The following GUCY1A2 variants were observed in gnomAD, a reference collection of about 807,000 sequenced individuals.
GUCY1A2 encodes the protein guanylate cyclase soluble subunit alpha-2.
Under a neutral mutation model 63.5 loss-of-function variants are expected in GUCY1A2, and 27 were observed. The ratio of observed to expected loss-of-function variants is 0.43; its 90% CI spans 0.31 to 0.59. The LOEUF is 0.59. Among genes scored for constraint, GUCY1A2 ranks in the 20% least tolerant of loss-of-function variants. The probability of loss-of-function intolerance (pLI) is 0.11; values close to 1 mark genes in which losing one functional copy is unlikely to be tolerated. For synonymous variants in GUCY1A2, 364 were observed against 343.5 expected (o/e 1.06, Z -0.66); for missense variants, 768 against 913.3 (o/e 0.84, Z 2.05).
intron 4 of GUCY1A2, among the ~76,000 whole-genome samples, chr11:106,900,516 G>A (rs529709286): frequency 9.2e-5 from 14 of 152,172 alleles, no homozygotes; most frequent in Non-Finnish European, 1.9e-4. Context: ...ATTTAACGAA[G>A]TAAACATATT....
intron 4 of GUCY1A2, among the ~76,000 whole-genome samples, chr11:106,896,691 T>A (rs1460151382): frequency 1.3e-5 from 2 of 152,328 alleles, no homozygotes; most frequent in Non-Finnish European, 2.9e-5. Flanking sequence ...GGATGCAGCA[T>A]TCTTCTCCTC....
At chr11:106,854,366 G>T (rs949753703) in intron 4 of GUCY1A2, among the ~76,000 whole-genome samples, 1 of 152,152 alleles carries the variant, frequency 6.6e-6, no homozygotes, top group Admixed American at 6.5e-5. Context: ...TGTCTCTGGG[G>T]GCCTGGGAAG....
chr11:106,830,059 T>A (rs1859029473), intron 4 of GUCY1A2, among the ~76,000 whole-genome samples: 1 of 152,190 alleles, frequency 6.6e-6, no homozygotes, highest in East Asian at 1.9e-4. Context: ...TTGTCATGAG[T>A]ATTTCCTCTT....
intron 4 of GUCY1A2, among the ~76,000 whole-genome samples, chr11:106,900,097 A>C (rs951445398): frequency 3.9e-5 from 6 of 152,244 alleles, no homozygotes; most frequent in Middle Eastern, 3.4e-3. Context: ...AAAAAAAAAA[A>C]AAAAAACAAT....
chr11:106,936,409 G>GT (rs71470838), intron 4 of GUCY1A2, among the ~76,000 whole-genome samples: 9,956 of 152,232 alleles, frequency 0.065, 462 homozygotes, highest in Middle Eastern at 0.14. Flanking sequence ...AATCTGTTGG[G>GT]TTTTTTAAAA....
intron 4 of GUCY1A2, among the ~76,000 whole-genome samples, chr11:106,861,213 A>T (rs1255924266): frequency 2.6e-5 from 4 of 151,976 alleles, no homozygotes; most frequent in Non-Finnish European, 5.9e-5. Flanking sequence ...AAATATAAAC[A>T]TACTCTTAGA....
chr11:106,787,410 A>AG (rs1864575422), intron 5 of GUCY1A2, among the ~76,000 whole-genome samples: 2 of 14,138 alleles, frequency 1.4e-4, no homozygotes, highest in African/African-American at 1.0e-3. Flanking sequence ...AATTTGCCTT[A>AG]CTTTGTTTTT....
In GUCY1A2 at chr11:106,675,455, A is replaced by T. The variant is rs1348914472; in HGVS notation, c.*12094T>A. ...GGAATAATTTTTGCTCCAAATTCTT[A>T]AAGGAGACAATGAATTAGTAGCTTG... On this transcript the variant is annotated 3_prime_UTR_variant, in exon 8 of 8. Transcript: ENST00000526355. The T allele has an allele frequency of 3.0e-5, 6 of 201,206 alleles. No homozygotes were observed. Among genetic ancestry groups the T allele is most frequent in the Admixed American group, 2.4e-4 (4 of 16,620 alleles). 12.5% of individuals were successfully genotyped at this position (201,206 alleles called of 1,614,324 possible). A position where few individuals can be genotyped will look rare whatever the true frequency, so the allele number is the denominator to read the frequency against.
chr11:107,013,145 A>G (rs576669044), intron 1 of GUCY1A2, among the ~76,000 whole-genome samples: 10 of 151,988 alleles, frequency 6.6e-5, no homozygotes, highest in Non-Finnish European at 1.2e-4. Flanking sequence ...TTCTTGAACA[A>G]CTCCACAGGT....
At chr11:106,712,729 C>T (rs1346754434) in intron 6 of GUCY1A2, among the ~76,000 whole-genome samples, 2 of 152,120 alleles carry the variant, frequency 1.3e-5, no homozygotes, top group Admixed American at 6.5e-5. Context: ...GGGCTAATTA[C>T]CCTCCCTTAC....
At chr11:106,872,376 G>C (rs565904728) in intron 4 of GUCY1A2, among the ~76,000 whole-genome samples, 1 of 152,196 alleles carries the variant, frequency 6.6e-6, no homozygotes, top group African/African-American at 2.4e-5. Context: ...TCCAGAGAAA[G>C]GTCACAACAT....
At chr11:107,015,348 T>G (rs879260965) in intron 1 of GUCY1A2, among the ~76,000 whole-genome samples, 2 of 152,106 alleles carry the variant, frequency 1.3e-5, no homozygotes, top group Non-Finnish European at 2.9e-5. Flanking sequence ...CTGGATACAT[T>G]CTTTTCATCC....
At chr11:106,875,521 G>A (rs1859737398) in intron 4 of GUCY1A2, among the ~76,000 whole-genome samples, 1 of 151,998 alleles carries the variant, frequency 6.6e-6, no homozygotes, top group African/African-American at 2.4e-5. Flanking sequence ...TCTTTTTTAT[G>A]GGCTTTGCTT....
chr11:106,836,595 T>C (rs1022111206), intron 4 of GUCY1A2, among the ~76,000 whole-genome samples: 4 of 151,994 alleles, frequency 2.6e-5, no homozygotes, highest in Non-Finnish European at 5.9e-5. Flanking sequence ...CCCATGGTGT[T>C]ATTCAAGAAT....
At chr11:106,858,603 G>A (rs1000696145) in intron 4 of GUCY1A2, among the ~76,000 whole-genome samples, 2 of 152,040 alleles carry the variant, frequency 1.3e-5, no homozygotes, top group East Asian at 3.9e-4. Flanking sequence ...AGAGTTCTAG[G>A]CCTCTATGAT....
chr11:106,821,416 C>G (rs1194678138), intron 4 of GUCY1A2, among the ~76,000 whole-genome samples: 1 of 152,148 alleles, frequency 6.6e-6, no homozygotes, highest in East Asian at 1.9e-4. Context: ...ATTAAAGGCA[C>G]AGAACTAAAA....
rs1028151866 is a variant in GUCY1A2 at position 106,683,965 on chromosome 11, A to G, written c.*3584T>C. 5.0e-6 allele frequency: 1 copy of G among 198,668 alleles called. No individual in the cohort carries two copies. The highest frequency in any genetic ancestry group is 2.3e-5 in the African/African-American group (1 of 43,426). 12.3% of individuals were successfully genotyped at this position (198,668 alleles called of 1,614,324 possible). A position where few individuals can be genotyped will look rare whatever the true frequency, so the allele number is the denominator to read the frequency against. ...TGGCTTTGCCTTTTGTTATCTATCAATTTAATTTTGCTTTATTGCTGGAAC... is the reference window on the plus strand; with the variant it reads ...TGGCTTTGCCTTTTGTTATCTATCAGTTTAATTTTGCTTTATTGCTGGAAC... On this transcript the variant is annotated 3_prime_UTR_variant, in exon 8 of 8. Coordinates refer to ENST00000526355, the MANE Select transcript of GUCY1A2 (RefSeq NM_000855.3).
chr11:106,943,286 C>T (rs1197141818), intron 3 of GUCY1A2, among the ~76,000 whole-genome samples: 1 of 152,198 alleles, frequency 6.6e-6, no homozygotes, highest in Non-Finnish European at 1.5e-5. Flanking sequence ...TACAGTAAAT[C>T]ATTTGAAACA....
intron 6 of GUCY1A2, among the ~76,000 whole-genome samples, chr11:106,755,185 C>T (rs529956043): frequency 8.5e-5 from 13 of 152,156 alleles, no homozygotes; most frequent in South Asian, 2.1e-4. Context: ...TCTGTGGGAT[C>T]GGTGGTGATA....
Sources: allele counts gnomAD v4.1 joint callset (sites outside exome capture counted in the v4.1 genomes callset), GRCh38; gene constraint gnomAD v4.1.1; transcripts MANE v1.5; gene names NCBI Gene and HGNC (gene_info 2026-07-23, HGNC 2026-07-21).